RANBP2: variants seen among roughly 807,000 people sequenced by gnomAD.
The protein encoded by RANBP2 is RAN binding protein 2.
RANBP2 carries 57 observed loss-of-function variants against 303.6 expected under a neutral mutation model. The observed-to-expected ratio is 0.19, with a 90% confidence interval of 0.15 to 0.23. The LOEUF is 0.23. Ranked by LOEUF, RANBP2 falls within the 10% of genes least tolerant of loss-of-function variation. RANBP2 has a pLI of 1.00. For synonymous variants in RANBP2, 1,167 were observed against 1,301.5 expected, an observed-to-expected ratio of 0.90 and a Z score of 2.23; for missense variants, 3,138 against 3,780.8, an observed-to-expected ratio of 0.83 and a Z score of 4.46.
chr2:109,131,164 A>C, the RANBP2 span, among the ~76,000 whole-genome samples: 1 of 152,220 alleles, frequency 6.6e-6, no homozygotes, highest in African/African-American at 2.4e-5. Context: ...TGGATTAGGC[A>C]GTACTGCAAA....
At chr2:108,999,758 T>C in the RANBP2 span, among the ~76,000 whole-genome samples, 1 of 152,128 alleles carries the variant, frequency 6.6e-6, no homozygotes, top group East Asian at 1.9e-4. Context: ...TTTAAAAAAT[T>C]ACGAAATTTC....
chr2:108,864,030 C>G, the RANBP2 span, among the ~76,000 whole-genome samples: 1 of 152,018 alleles, frequency 6.6e-6, no homozygotes, highest in Non-Finnish European at 1.5e-5. Context: ...AAAGGCTGGT[C>G]TTTCTCATGT....
the RANBP2 span, among the ~76,000 whole-genome samples, chr2:109,714,412 C>T: frequency 6.6e-6 from 1 of 151,970 alleles, no homozygotes; most frequent in African/African-American, 2.4e-5. Context: ...AGTGATTCTC[C>T]TGCCTTAGCC....
the RANBP2 span, among the ~76,000 whole-genome samples, chr2:108,923,944 G>A: frequency 2.0e-5 from 3 of 152,202 alleles, no homozygotes; most frequent in Non-Finnish European, 4.4e-5. Context: ...CTTTACTGCT[G>A]CTGAATGCCA....
the RANBP2 span, among the ~76,000 whole-genome samples, chr2:109,620,323 T>C: frequency 6.6e-6 from 1 of 152,212 alleles, no homozygotes; most frequent in Non-Finnish European, 1.5e-5. Context: ...GAACAGCAAG[T>C]TATTCCAATC....
At chr2:109,417,581 C>G in the RANBP2 span, among the ~76,000 whole-genome samples, 1 of 152,206 alleles carries the variant, frequency 6.6e-6, no homozygotes, top group Non-Finnish European at 1.5e-5. Flanking sequence ...CTCTGGACAC[C>G]TGGCTCTCTC....
the RANBP2 span, among the ~76,000 whole-genome samples, chr2:108,901,655 G>C: frequency 1.3e-5 from 2 of 152,070 alleles, no homozygotes; most frequent in African/African-American, 4.8e-5. Flanking sequence ...CAGATAATAA[G>C]ATAAAACTTG....
At chr2:109,036,220 T>A in the RANBP2 span, among the ~76,000 whole-genome samples, 1 of 152,210 alleles carries the variant, frequency 6.6e-6, no homozygotes, top group Non-Finnish European at 1.5e-5. Context: ...ATTAAAGTTA[T>A]AAGCAAACGG....
At chr2:108,945,409 G>A in the RANBP2 span, among the ~76,000 whole-genome samples, 2 of 152,104 alleles carry the variant, frequency 1.3e-5, no homozygotes, top group Non-Finnish European at 1.5e-5. Context: ...GAGTATGCTG[G>A]TACTAAAATA....
the RANBP2 span, among the ~76,000 whole-genome samples, chr2:109,354,880 C>T: frequency 1.3e-5 from 2 of 152,236 alleles, no homozygotes; most frequent in African/African-American, 4.8e-5. Context: ...GCAGGTCCTA[C>T]CATGTCACCT....
the RANBP2 span, among the ~76,000 whole-genome samples, chr2:109,349,243 G>C: frequency 6.6e-6 from 1 of 152,208 alleles, no homozygotes; most frequent in South Asian, 2.1e-4. Flanking sequence ...CCTGCGTACA[G>C]CTGCTATTTA....
At chr2:108,741,559 G>A (rs1362850705) in intron 7 of RANBP2, among the ~76,000 whole-genome samples, 1 of 127,698 alleles carries the variant, frequency 7.8e-6, no homozygotes, top group Non-Finnish European at 1.6e-5. Flanking sequence ...AGTCTGGAGT[G>A]CAGTGGCACG....
the RANBP2 span, among the ~76,000 whole-genome samples, chr2:109,097,936 T>C: frequency 6.6e-6 from 1 of 152,190 alleles, no homozygotes; most frequent in African/African-American, 2.4e-5. Context: ...TTCCATTCCC[T>C]TGACCAGGCT....
chr2:109,698,658 G>T, the RANBP2 span, among the ~76,000 whole-genome samples: 5 of 150,454 alleles, frequency 3.3e-5, no homozygotes, highest in African/African-American at 7.3e-5. Context: ...CCTAGTTGTG[G>T]GTCACAATTT....
the RANBP2 span, among the ~76,000 whole-genome samples, chr2:108,952,689 G>A: frequency 9.9e-5 from 15 of 152,180 alleles, no homozygotes; most frequent in East Asian, 1.9e-4. Flanking sequence ...TCCAACATCC[G>A]GATTATCCTG....
the RANBP2 span, among the ~76,000 whole-genome samples, chr2:109,654,371 G>A: frequency 5.3e-5 from 8 of 151,818 alleles, no homozygotes; most frequent in East Asian, 1.9e-4. Flanking sequence ...GGGTCACCAC[G>A]GAAATTCTCA....
the RANBP2 span, among the ~76,000 whole-genome samples, chr2:109,108,656 G>C: frequency 6.6e-6 from 1 of 152,202 alleles, no homozygotes; most frequent in East Asian, 1.9e-4. Context: ...ACAGGATAAA[G>C]AATTCTGGGA....
the RANBP2 span, among the ~76,000 whole-genome samples, chr2:109,277,238 A>G: frequency 6.6e-6 from 1 of 152,176 alleles, no homozygotes; most frequent in African/African-American, 2.4e-5. Context: ...CGGATGTGTC[A>G]CACTTGGCCT....
chr2:109,478,342 G>A, the RANBP2 span, among the ~76,000 whole-genome samples: 3 of 152,310 alleles, frequency 2.0e-5, no homozygotes, highest in African/African-American at 7.2e-5. Context: ...TGTCCTTTGA[G>A]TAAAATCCTT....
Sources: allele counts gnomAD v4.1 joint callset (sites outside exome capture counted in the v4.1 genomes callset), GRCh38; gene constraint gnomAD v4.1.1; transcripts MANE v1.5; gene names NCBI Gene and HGNC (gene_info 2026-07-23, HGNC 2026-07-21).